The following KY variants were observed in gnomAD, a reference collection of about 807,000 sequenced individuals.
KY encodes kyphoscoliosis peptidase.
KY carries 43 observed loss-of-function variants against 76.1 expected under a neutral mutation model. The observed-to-expected ratio is 0.57, with a 90% CI of 0.44 to 0.73. KY has a LOEUF of 0.73. Among genes scored for constraint, KY ranks in the 30% least tolerant of loss-of-function variants. The pLI is 0.00. For missense variants in KY, 722 were observed against 828.9 expected (o/e 0.87, Z 1.58); for synonymous variants, 277 against 326.2 (o/e 0.85, Z 1.63).
chr3:134,630,202 G>A (rs1964030510), intron 3 of KY, among the ~76,000 whole-genome samples: 1 of 152,186 alleles, frequency 6.6e-6, no homozygotes, highest in Non-Finnish European at 1.5e-5. Context: ...GAGTCAGAGA[G>A]AGTGAAAGAA....
In KY at chr3:134,603,312, T is replaced by C; in HGVS notation, c.*267A>G. The C allele has an allele frequency of 2.8e-6, 1 of 359,168 alleles. No individual in the cohort carries two copies. Among genetic ancestry groups the C allele is most frequent in the South Asian group, 8.8e-5 (1 of 11,358 alleles). The allele number at this position is 359,168 out of a possible 1,614,324, so 22.2% of individuals were successfully genotyped here. A position where few individuals can be genotyped will look rare whatever the true frequency, so the allele number is the denominator to read the frequency against. On this transcript the variant is annotated 3_prime_UTR_variant, in exon 11 of 11. Transcript: ENST00000423778. ...GAGAAGGGGCATCTGGATGCAGGTG[T>C]ACAGTTTACAATACCTTAGATTTAC...
At chr3:134,634,870 G>T (rs753069571) in intron 3 of KY, among the ~76,000 whole-genome samples, 16 of 152,200 alleles carry the variant, frequency 1.1e-4, no homozygotes, top group Admixed American at 5.2e-4. Flanking sequence ...ATACTGAGGG[G>T]TGACTGTAAT....
chr3:134,604,669 G>A (rs952525240), intron 10 of KY, among the ~76,000 whole-genome samples, 195 bp from the exon 11 acceptor site: 1 of 152,190 alleles, frequency 6.6e-6, no homozygotes, highest in Non-Finnish European at 1.5e-5. Context: ...ATCAGCCAGC[G>A]GCAGCACACC....
chr3:134,604,238 G>T lies in KY; in HGVS notation c.1327C>A (p.Gln443Lys), dbSNP rs1356963536. The T allele has an allele frequency of 2.5e-6, 4 of 1,613,542 alleles. No individual in the cohort carries two copies. The highest frequency in any genetic ancestry group is 3.4e-6 in the Non-Finnish European group (4 of 1,179,808). The change falls in exon 11 of 11, where the codon CAG (glutamine) becomes AAG (lysine). Residue 443 changes from glutamine (Q) to lysine (K), a missense_variant. Gln to Lys is a moderately conservative substitution (Grantham distance 53). Coordinates refer to ENST00000423778, the MANE Select transcript of KY (RefSeq NM_178554.6). ...GGCTGGTGAAGCTCAGCAGGCAGCT[G>T]GACACCCATGTCCACATAATTGCAC... Reference protein sequence around the residue: ...LKCNYVDMGVQLPAELHQPVG... With the variant: ...LKCNYVDMGVKLPAELHQPVG...
chr3:134,635,246 C>T lies in KY; in HGVS notation c.263-5551G>A, dbSNP rs141630562. 2.0e-3 allele frequency among the ~76,000 whole-genome samples: 299 copies of T among 152,234 alleles called. 3 individuals are homozygous for T. The highest frequency in any genetic ancestry group is 6.8e-3 in the African/African-American group (284 of 41,538). On this transcript the variant is annotated intron_variant, in intron 3 of 10. Coordinates refer to ENST00000423778, the MANE Select transcript of KY (RefSeq NM_178554.6). ...GCATGATGGCTCATGCCTGTAATCC[C>T]AGCACTTTGGGAGGCCGAGGTGGGT...
chr3:134,642,670 C>A (rs1473467215), intron 3 of KY, among the ~76,000 whole-genome samples: 1 of 152,198 alleles, frequency 6.6e-6, no homozygotes, highest in African/African-American at 2.4e-5. Flanking sequence ...TGGGAAGGCT[C>A]AGTCTCAGCA....
At chr3:134,648,661 G>C (rs1225073755) in intron 1 of KY, among the ~76,000 whole-genome samples, 3 of 152,068 alleles carry the variant, frequency 2.0e-5, no homozygotes, top group Non-Finnish European at 4.4e-5. Flanking sequence ...CAAATTCCTA[G>C]TGACCTAGCC....
chr3:134,611,420 C>T (rs1960432915), intron 8 of KY, among the ~76,000 whole-genome samples: 1 of 152,240 alleles, frequency 6.6e-6, no homozygotes, highest in Non-Finnish European at 1.5e-5. Context: ...AGCAGCCCTG[C>T]TCCCCTGAGG....
chr3:134,606,857 A>C (rs1342026037), intron 10 of KY: 2 of 914,618 alleles, frequency 2.2e-6, no homozygotes, highest in Non-Finnish European at 2.6e-6. Flanking sequence ...ACTCTCCTAG[A>C]GCCTGGCAGC....
chr3:134,637,676 T>C (rs967682807), intron 3 of KY, among the ~76,000 whole-genome samples: 1 of 152,254 alleles, frequency 6.6e-6, no homozygotes, highest in Non-Finnish European at 1.5e-5. Flanking sequence ...TCTGACAGTC[T>C]TTGTTAATTT....
intron 1 of KY, among the ~76,000 whole-genome samples, chr3:134,647,698 T>C (rs1966599209): frequency 6.6e-6 from 1 of 152,118 alleles, no homozygotes. Context: ...GTTAAAACAG[T>C]TTTCAAGGGC....
intron 4 of KY, 42 bp downstream of exon 4, chr3:134,629,579 T>A: frequency 2.0e-6 from 3 of 1,509,116 alleles, no homozygotes; most frequent in Non-Finnish European, 2.7e-6. Context: ...CCTTCAATCC[T>A]CTCTGCCAGC....
chr3:134,607,411 C>T lies in KY; in HGVS notation c.1090+1238G>A, dbSNP rs1316397969. 4 of 985,524 alleles carry T rather than the reference C, an allele frequency of 4.1e-6. No homozygotes were observed. The African/African-American group carries it at 7.0e-5, about 17-fold the overall frequency. 61.0% of individuals were successfully genotyped at this position (985,524 alleles called of 1,614,324 possible). A position where few individuals can be genotyped will look rare whatever the true frequency, so the allele number is the denominator to read the frequency against. ...TGTGGGTTGGAGCTCCCCAGGGGCT[C>T]TGGGCCCACCCACAGGCACCCTGTG... On this transcript the variant is annotated intron_variant, in intron 10 of 10. Coordinates refer to ENST00000423778, the MANE Select transcript of KY (RefSeq NM_178554.6).
In KY at chr3:134,604,480, G is replaced by A. The variant is rs1303573608; in HGVS notation, c.1091-6C>T. 2.5e-6 allele frequency: 4 copies of A among 1,597,530 alleles called. No individual in the cohort carries two copies. Among genetic ancestry groups the A allele is most frequent in the Non-Finnish European group, 3.4e-6 (4 of 1,169,810 alleles). Reference sequence around the variant, plus strand: ...GACCGTGGCCTTCCCATTCACTGAGGAGAGAAAGTCAGGGTCAGCAGAGAT... The same window carrying A: ...GACCGTGGCCTTCCCATTCACTGAGAAGAGAAAGTCAGGGTCAGCAGAGAT... On this transcript the variant is annotated splice_region_variant and splice_polypyrimidine_tract_variant and intron_variant, in intron 10 of 10. Transcript: ENST00000423778.
intron 10 of KY, 36 bp from the exon 11 acceptor site, chr3:134,604,510 C>T (rs780731855): frequency 6.5e-7 from 1 of 1,544,196 alleles, no homozygotes; most frequent in Non-Finnish European, 8.8e-7. Context: ...AGAGATGGGT[C>T]CAGCACGTGC....
intron 6 of KY, 135 bp from the exon 7 acceptor site, chr3:134,620,992 C>T (rs1962525292): frequency 1.6e-6 from 1 of 636,592 alleles, no homozygotes; most frequent in Non-Finnish European, 2.8e-6. Flanking sequence ...GGGGCAAAGG[C>T]TGGCTGAGGA....
chr3:134,624,420 C>A (rs747118470), intron 6 of KY, among the ~76,000 whole-genome samples: 2 of 152,206 alleles, frequency 1.3e-5, no homozygotes, highest in Non-Finnish European at 2.9e-5. Flanking sequence ...TATAAGGTGG[C>A]CTTTTTAAGA....
intron 3 of KY, among the ~76,000 whole-genome samples, chr3:134,641,748 T>C (rs1049523385): frequency 5.9e-5 from 9 of 152,106 alleles, no homozygotes; most frequent in Non-Finnish European, 1.3e-4. Context: ...CACACACCCC[T>C]TATCATCCTT....
rs1959069713 is a variant in KY at position 134,603,714 on chromosome 3, CA to C, written c.1850del (p.Leu617ArgfsTer3). Reference protein sequence around the residue: ...VLVKGQDTWPLTLNHEGYWEG... With the variant: ...VLVKGQDTWPXTLNHEGYWEG... Reference sequence around the variant, plus strand: ...CCCAGTAGCCCTCGTGGTTCAGGGTCAGGGGCCATGTGTCCTGCCCCTTCAC... The same window carrying C: ...CCCAGTAGCCCTCGTGGTTCAGGGTCGGGGCCATGTGTCCTGCCCCTTCAC... On this transcript the variant is annotated frameshift_variant, in exon 11 of 11. Transcript: ENST00000423778. LOFTEE classifies it high-confidence loss of function. 1 of 1,613,782 alleles carries C rather than the reference CA, an allele frequency of 6.2e-7. No individual in the cohort carries two copies. The highest frequency in any genetic ancestry group is 8.5e-7 in the Non-Finnish European group (1 of 1,179,802).
Sources: allele counts gnomAD v4.1 joint callset (sites outside exome capture counted in the v4.1 genomes callset), GRCh38; gene constraint gnomAD v4.1.1; transcripts MANE v1.5; gene names NCBI Gene and HGNC (gene_info 2026-07-23, HGNC 2026-07-21).